Variants in SHANK2 observed in about 807,000 individuals in gnomAD.
SHANK2 encodes SH3 and multiple ankyrin repeat domains protein 2.
A neutral mutation model predicts 133.7 loss-of-function variants in SHANK2; 43 were observed. The observed-to-expected ratio is 0.32, with a 90% CI of 0.25 to 0.41. The LOEUF (loss-of-function observed/expected upper bound fraction) is 0.41. SHANK2 is among the 10% of genes least tolerant of loss of function. The pLI is 1.00. For missense variants in SHANK2, 1,994 were observed against 2,235.8 expected, an observed-to-expected ratio of 0.89 and a Z score of 2.18; for synonymous variants, 1,017 against 952.8, an observed-to-expected ratio of 1.07 and a Z score of -1.24.
intron 11 of SHANK2, among the ~76,000 whole-genome samples, chr11:70,886,225 G>T (rs1794391552): frequency 6.6e-6 from 1 of 152,234 alleles, no homozygotes; most frequent in South Asian, 2.1e-4. Flanking sequence ...CATATGCCTT[G>T]AAACTGCTGT....
At position 70,597,850 on chromosome 11, in the gene SHANK2, G is replaced by A. The variant is rs1306699259; in HGVS notation, c.2061+61978C>T. On this transcript the variant is annotated intron_variant, in intron 17 of 25. Transcript: ENST00000601538. ...ATCGCACCACTGCACTCGAGCCTGT[G>A]CGACAAAGCAAGACTCCATCTCAAA... 4.6e-5 allele frequency among the ~76,000 whole-genome samples: 7 copies of A among 152,222 alleles called. No individual in the cohort carries two copies. In the East Asian group the frequency reaches 1.2e-3, roughly 25 times the overall value.
chr11:70,721,765 G>A (rs1555029250), intron 14 of SHANK2, among the ~76,000 whole-genome samples: 1 of 152,246 alleles, frequency 6.6e-6, no homozygotes, highest in African/African-American at 2.4e-5. Flanking sequence ...CTAGACAGGT[G>A]CAGTGTCTTT....
In SHANK2 at chr11:70,811,637, T is replaced by TCATCCATCCATCCATC. The variant is rs140137476; in HGVS notation, c.1494-4482_1494-4467dup. ...ATCTACCTATCCATCATCCATCCAC[T>TCATCCATCCATCCATC]CATCCATCCATCCATCCATCCATCA... On this transcript the variant is annotated intron_variant, in intron 12 of 25. Coordinates refer to ENST00000601538, the MANE Select transcript of SHANK2 (RefSeq NM_012309.5). Among the ~76,000 whole-genome samples, 250 of 147,640 alleles carry TCATCCATCCATCCATC rather than the reference T, an allele frequency of 1.7e-3. 5 individuals carry two copies. Among genetic ancestry groups the TCATCCATCCATCCATC allele is most frequent in the African/African-American group, 5.8e-3 (231 of 39,764 alleles).
rs180922975 is a variant in SHANK2, at chr11:70,814,731, G to A, written c.1493+5633C>T. ...GCAATGGACGACGCATGGACAGGGC[G>A]GCAGCATTCATCTCCACCAACTGAA... On this transcript the variant is annotated intron_variant, in intron 12 of 25. Transcript: ENST00000601538. Among the ~76,000 whole-genome samples, 22 of 152,324 alleles carry A rather than the reference G, an allele frequency of 1.4e-4. No individual in the cohort carries two copies. In the East Asian group the frequency reaches 4.2e-3, roughly 29 times the overall value.
chr11:70,636,258 T>G (rs2061079905), intron 17 of SHANK2, among the ~76,000 whole-genome samples: 1 of 152,240 alleles, frequency 6.6e-6, no homozygotes, highest in Admixed American at 6.5e-5. Context: ...AGCATGCGTG[T>G]ATGCGAGCAT....
chr11:70,780,005 A>C (rs1000059751), intron 14 of SHANK2, among the ~76,000 whole-genome samples: 2 of 152,108 alleles, frequency 1.3e-5, no homozygotes, highest in African/African-American at 2.4e-5. Context: ...CAGGACTTGG[A>C]CCTATAAGGA....
intron 14 of SHANK2, among the ~76,000 whole-genome samples, chr11:70,773,995 G>A (rs1947309259): frequency 6.6e-6 from 1 of 152,124 alleles, no homozygotes; most frequent in South Asian, 2.1e-4. Flanking sequence ...CAAGAGAAGT[G>A]GAAACAGGTG....
intron 11 of SHANK2, among the ~76,000 whole-genome samples, chr11:70,845,406 T>C (rs557902281): frequency 5.3e-5 from 8 of 152,226 alleles, no homozygotes; most frequent in Non-Finnish European, 1.0e-4. Flanking sequence ...CACAGAGAAA[T>C]GGACTCTGAT....
At chr11:70,730,339 C>T (rs1946262136) in intron 14 of SHANK2, among the ~76,000 whole-genome samples, 1 of 152,132 alleles carries the variant, frequency 6.6e-6, no homozygotes, top group Admixed American at 6.5e-5. Flanking sequence ...CCTAGTGCAA[C>T]AGGCCCTGAG....
At chr11:70,602,275 T>C (rs1328720406) in intron 17 of SHANK2, among the ~76,000 whole-genome samples, 1 of 152,194 alleles carries the variant, frequency 6.6e-6, no homozygotes, top group East Asian at 1.9e-4. Context: ...ACACCTCTTT[T>C]CTTATAAATT....
intron 15 of SHANK2, among the ~76,000 whole-genome samples, chr11:70,691,921 A>T (rs1388061503): frequency 6.6e-6 from 1 of 152,208 alleles, no homozygotes; most frequent in Admixed American, 6.5e-5. Flanking sequence ...TAGTAAAAAA[A>T]TAAAAATACA....
chr11:70,486,307 T>G lies in SHANK2; in HGVS notation c.3986A>C (p.Gln1329Pro). 1 of 1,614,018 alleles carries G rather than the reference T, an allele frequency of 6.2e-7. No individual in the cohort carries two copies. The highest frequency in any genetic ancestry group is 8.5e-7 in the Non-Finnish European group (1 of 1,180,034). Residue 1329 changes from glutamine to proline, a missense_variant, in exon 25 of 26, where the codon CAG becomes CCG. Transcript: ENST00000601538. This position sits in a 1 kb window ranked among gnomAD's most constrained non-coding sequence, Gnocchi z 8.0. ...VDATKLDNAL[Q>P]EEDEKAEVEM... is the part of the protein sequence containing the mutation. ...CACCTCTGCCTTCTCGTCCTCTTCC[T>G]GCAGGGCGTTGTCCAGCTTAGTGGC...
intron 17 of SHANK2, among the ~76,000 whole-genome samples, chr11:70,641,244 T>C (rs1444728469): frequency 5.3e-5 from 8 of 152,006 alleles, no homozygotes; most frequent in Non-Finnish European, 7.4e-5. Flanking sequence ...TACAGGCGCA[T>C]GCCACCACGC....
chr11:71,195,908 G>A (rs987054316), intron 2 of SHANK2, among the ~76,000 whole-genome samples: 8 of 152,216 alleles, frequency 5.3e-5, no homozygotes, highest in Non-Finnish European at 7.3e-5. Flanking sequence ...TGGGCCGGGT[G>A]CAGTGGCTCA....
At position 71,141,338 on chromosome 11, in the gene SHANK2, C is replaced by CA. The variant is rs141530384; in HGVS notation, c.207+5781dup. The stretch of plus-strand genomic sequence containing the variant: ...TGAAACCCCCTCTCTACTAAAAATA[C>CA]AAAAAAAAAAAAATTATCTGGGTGT... On this transcript the variant is annotated intron_variant, in intron 3 of 25. Transcript: ENST00000601538. 2.2e-3 allele frequency among the ~76,000 whole-genome samples: 314 copies of CA among 144,704 alleles called. 4 individuals are homozygous for CA. Among genetic ancestry groups the CA allele is most frequent in the African/African-American group, 6.0e-3 (237 of 39,752 alleles). The allele number at this position is 144,704 out of a possible 152,430, so 94.9% of individuals were successfully genotyped here.
chr11:71,109,981 G>A lies in SHANK2; in HGVS notation c.552C>T (p.Asp184=), dbSNP rs1408172178. The A allele has an allele frequency of 2.6e-6, 4 of 1,551,562 alleles. No individual in the cohort carries two copies. The highest frequency in any genetic ancestry group is 1.2e-5 in the South Asian group (1 of 84,062). Reference sequence around the variant, plus strand: ...CGTGGAAATTGGGATCCAGGCCTCGGTCCAGCATCTTGGTGATCTTCTCCA... The same window carrying A: ...CGTGGAAATTGGGATCCAGGCCTCGATCCAGCATCTTGGTGATCTTCTCCA... ...RLVEKITKML[D]RGLDPNFHDP... is the part of the protein sequence containing the mutation. Residue 184 remains aspartate, a synonymous_variant, in exon 6 of 26, where the codon GAC becomes GAT. Coordinates refer to ENST00000601538, the MANE Select transcript of SHANK2 (RefSeq NM_012309.5).
chr11:70,585,726 T>TCCATCC (rs1234380325), intron 17 of SHANK2, among the ~76,000 whole-genome samples: 2 of 151,664 alleles, frequency 1.3e-5, no homozygotes, highest in Non-Finnish European at 2.9e-5. Flanking sequence ...CACTCATTCG[T>TCCATCC]CCATCCAACT....
intron 14 of SHANK2, among the ~76,000 whole-genome samples, chr11:70,716,459 G>T (rs186843259): frequency 6.6e-6 from 1 of 152,320 alleles, no homozygotes; most frequent in East Asian, 1.9e-4. Flanking sequence ...CAAGGAAACC[G>T]CCCTGATCGT....
At chr11:70,592,021 A>G (rs1354416538) in intron 17 of SHANK2, among the ~76,000 whole-genome samples, 1 of 151,796 alleles carries the variant, frequency 6.6e-6, no homozygotes, top group Non-Finnish European at 1.5e-5. Context: ...CGATAGAGCG[A>G]GACTCCGTCT....
Sources: allele counts gnomAD v4.1 joint callset (sites outside exome capture counted in the v4.1 genomes callset), GRCh38; gene constraint gnomAD v4.1.1; non-coding constraint Gnocchi (gnomAD v3.1); transcripts MANE v1.5; gene names NCBI Gene and HGNC (gene_info 2026-07-23, HGNC 2026-07-21).